The following SYNE2 variants were observed in gnomAD, a reference collection of about 807,000 sequenced individuals.
SYNE2 encodes the protein nesprin-2.
In SYNE2, 431 loss-of-function variants were observed where a neutral mutation model predicts 856.3. The ratio of observed to expected loss-of-function variants is 0.50; its 90% CI spans 0.47 to 0.55. SYNE2 has a LOEUF of 0.55. Among genes scored for constraint, SYNE2 ranks in the 20% least tolerant of loss-of-function variants. The pLI, the probability that SYNE2 is intolerant of heterozygous loss-of-function variation, is 0.00. For synonymous variants in SYNE2, 2,923 were observed against 2,872.3 expected (o/e 1.02, Z -0.56); for missense variants, 8,129 against 8,023.2 (o/e 1.01, Z -0.50).
chr14:64,113,380 T>G lies in SYNE2; in HGVS notation c.12649T>G (p.Ser4217Ala). 6.2e-7 allele frequency: 1 copy of G among 1,614,146 alleles called. No homozygotes were observed. Among genetic ancestry groups the G allele is most frequent in the Non-Finnish European group, 8.5e-7 (1 of 1,180,036 alleles). Residue 4217 changes from serine to alanine, a missense_variant, in exon 66 of 116, where the codon TCT becomes GCT. Physicochemically the swap from Ser to Ala is moderately conservative, Grantham distance 99. Around this residue, in one of 3 missense-constraint regions of SYNE2, gnomAD observed 5,410 missense variants for 5,284.8 expected, o/e 1.02. Coordinates refer to ENST00000555002, the MANE Select transcript of SYNE2 (RefSeq NM_182914.3). ...PPIEADTLDS[S>A]DAQGGLEPRV... is the part of the protein sequence containing the mutation. ...TATTGAGGCTGACACTCTGGACTCT[T>G]CTGACGCGCAAGGAGGTTTGGAGCC...
chr14:63,957,188 C>T (rs2096251304), intron 8 of SYNE2, among the ~76,000 whole-genome samples: 1 of 151,464 alleles, frequency 6.6e-6, no homozygotes, highest in Non-Finnish European at 1.5e-5. Flanking sequence ...ACCTCCACCT[C>T]CTGGGTTAAA....
At chr14:63,843,354 A>G (rs1295610141) in intron 1 of SYNE2, among the ~76,000 whole-genome samples, 1 of 152,140 alleles carries the variant, frequency 6.6e-6, no homozygotes, top group Non-Finnish European at 1.5e-5. Context: ...CTTGTGTGTT[A>G]ATTTTAAATC....
At chr14:64,020,535 G>A (rs754837046) in intron 35 of SYNE2, among the ~76,000 whole-genome samples, 17 of 152,046 alleles carry the variant, frequency 1.1e-4, no homozygotes, top group African/African-American at 3.9e-4. Context: ...CATATTTAGC[G>A]TCAATGATAT....
At chr14:64,043,196 C>G (rs1410565931) in intron 45 of SYNE2, among the ~76,000 whole-genome samples, 2 of 152,086 alleles carry the variant, frequency 1.3e-5, no homozygotes, top group Non-Finnish European at 2.9e-5. Flanking sequence ...GAAGAAATGT[C>G]TAAGCAACAA....
intron 2 of SYNE2, among the ~76,000 whole-genome samples, chr14:63,918,948 C>G (rs1000923727): frequency 6.6e-6 from 1 of 152,190 alleles, no homozygotes; most frequent in East Asian, 1.9e-4. Context: ...TGCTGTATAT[C>G]TCCGTCTGCC....
chr14:64,080,704 A>G, intron 56 of SYNE2, 66 bp downstream of exon 56: 1 of 1,575,682 alleles, frequency 6.3e-7, no homozygotes, highest in Non-Finnish European at 8.7e-7. Flanking sequence ...AAAGCAAAAC[A>G]ATATATTCAG....
At chr14:64,166,922 G>A (rs1400741208) in intron 90 of SYNE2, 1 of 369,204 alleles carries the variant, frequency 2.7e-6, no homozygotes, top group African/African-American at 2.1e-5. Context: ...GACAGAATGA[G>A]ACTCCATTCC....
upstream of SYNE2, among the ~76,000 whole-genome samples, chr14:63,852,362 G>C (rs545447200): frequency 3.9e-5 from 6 of 152,090 alleles, no homozygotes; most frequent in South Asian, 1.0e-3. Flanking sequence ...CAGTTCCAAG[G>C]ATGCAGTTCG....
In SYNE2 at chr14:64,226,297, C is replaced by G. The variant is rs1353256859; in HGVS notation, c.*771C>G. On this transcript the variant is annotated 3_prime_UTR_variant, in exon 116 of 116. Coordinates refer to ENST00000555002, the MANE Select transcript of SYNE2 (RefSeq NM_182914.3). ...TTAATTTTCTAAGACTTTTTCACAT[C>G]CAAAGTGATGCTTTGCTTTGGGTTT... is the stretch of plus-strand genomic sequence containing the variant. 1 of 144,050 alleles carries G rather than the reference C, an allele frequency of 6.9e-6. No individual in the cohort carries two copies. The highest frequency in any genetic ancestry group is 1.5e-5 in the Non-Finnish European group (1 of 67,044). The allele number at this position is 144,050 out of a possible 1,614,324, so 8.9% of individuals were successfully genotyped here.
At position 64,209,503 on chromosome 14, in the gene SYNE2, T is replaced by C. The variant is rs779018650; in HGVS notation, c.18465T>C (p.Ala6155=). 6.2e-7 allele frequency: 1 copy of C among 1,614,230 alleles called. No homozygotes were observed. Among genetic ancestry groups the C allele is most frequent in the Non-Finnish European group, 8.5e-7 (1 of 1,180,040 alleles). The part of the protein sequence containing the change: ...YSRFEDWLKS[A]ERTAACPNSS... ...GCTTTGAGGACTGGCTCAAGTCAGCTGAGAGGACGGCAGCCTGCCCAAATT... is the reference window on the plus strand; with the variant it reads ...GCTTTGAGGACTGGCTCAAGTCAGCCGAGAGGACGGCAGCCTGCCCAAATT... The change falls in exon 102 of 116, where the codon GCT becomes GCC. Residue 6155 remains alanine (A), a synonymous_variant. Coordinates refer to ENST00000555002, the MANE Select transcript of SYNE2 (RefSeq NM_182914.3).
rs1467298746 is a variant in SYNE2 at position 64,141,523 on chromosome 14, G to A, written c.15159G>A (p.Gln5053=). The part of the protein sequence containing the change: ...QLPDIQEKLH[Q]LQMEKLPSRK... Reference sequence around the variant, plus strand: ...CAGATATTCAAGAAAAACTTCACCAGGTAAGTCTTTAGAGCCTCAGCATTT... The same window carrying A: ...CAGATATTCAAGAAAAACTTCACCAAGTAAGTCTTTAGAGCCTCAGCATTT... The change falls in exon 81 of 116, where the codon CAG becomes CAA. Residue 5053 remains glutamine, a splice_region_variant and synonymous_variant. Coordinates refer to ENST00000555002, the MANE Select transcript of SYNE2 (RefSeq NM_182914.3). 11 of 1,613,762 alleles carry A rather than the reference G, an allele frequency of 6.8e-6. No homozygotes were observed. The highest frequency in any genetic ancestry group is 9.3e-6 in the Non-Finnish European group (11 of 1,179,876).
chr14:64,145,927 C>T (rs1009065332), intron 83 of SYNE2, 141 bp from the exon 84 acceptor site: 1 of 542,836 alleles, frequency 1.8e-6, no homozygotes. Context: ...AATCTTTATT[C>T]AAAAGTTATC....
intron 100 of SYNE2, among the ~76,000 whole-genome samples, chr14:64,203,913 C>T (rs749550497): frequency 6.6e-6 from 1 of 152,162 alleles, no homozygotes; most frequent in African/African-American, 2.4e-5. Flanking sequence ...GATGGAGTCT[C>T]ACTATATTGC....
chr14:64,021,745 C>A, intron 36 of SYNE2, 112 bp from the exon 37 acceptor site: 1 of 1,176,634 alleles, frequency 8.5e-7, no homozygotes, highest in Non-Finnish European at 1.2e-6. Flanking sequence ...GAAAGTGAAT[C>A]CACTCAACAG....
intron 23 of SYNE2, among the ~76,000 whole-genome samples, chr14:63,995,743 A>G (rs1033145657): frequency 8.0e-5 from 12 of 150,056 alleles, no homozygotes; most frequent in Admixed American, 7.9e-4. Context: ...CTATCTATCT[A>G]TCTATCTATC....
intron 6 of SYNE2, among the ~76,000 whole-genome samples, chr14:63,945,678 AG>A (rs919453042): frequency 2.0e-5 from 3 of 151,984 alleles, no homozygotes; most frequent in African/African-American, 7.3e-5. Context: ...GCTGGAGTGC[AG>A]TGGGGCACGA....
intron 94 of SYNE2, among the ~76,000 whole-genome samples, chr14:64,172,219 A>G (rs961150978): frequency 1.3e-5 from 2 of 152,170 alleles, no homozygotes; most frequent in African/African-American, 2.4e-5. Flanking sequence ...TAGGAATCCT[A>G]ACATCTCACT....
At chr14:63,870,488 CT>C (rs1162057004) in intron 1 of SYNE2, among the ~76,000 whole-genome samples, 1 of 129,768 alleles carries the variant, frequency 7.7e-6, no homozygotes, top group Admixed American at 8.5e-5. Context: ...TGACTGTCCC[CT>C]AAACACCTGA....
In SYNE2 at chr14:63,995,042, A is replaced by C; in HGVS notation, c.2782-2A>C. ...AATATATTCCTTTGATTTTTTTTGT[A>C]GTCTCTTCATCATGAACTGTCTTTA... is the stretch of plus-strand genomic sequence containing the variant. On this transcript the variant is annotated splice_acceptor_variant, in intron 22 of 115. Coordinates refer to ENST00000555002, the MANE Select transcript of SYNE2 (RefSeq NM_182914.3). LOFTEE classifies it high-confidence loss of function. 6.6e-7 allele frequency: 1 copy of C among 1,511,980 alleles called. No individual in the cohort carries two copies. Among genetic ancestry groups the C allele is most frequent in the Non-Finnish European group, 9.1e-7 (1 of 1,102,844 alleles). 93.7% of individuals were successfully genotyped at this position (1,511,980 alleles called of 1,614,324 possible). A position where few individuals can be genotyped will look rare whatever the true frequency, so the allele number is the denominator to read the frequency against.
Sources: gnomAD v4.1 joint callset for allele counts (sites outside exome capture counted in the v4.1 genomes callset) on GRCh38, gnomAD v4.1.1 for gene constraint, gnomAD v4.1.1 regional missense constraint, MANE v1.5 for transcripts, NCBI Gene and HGNC (gene_info 2026-07-23, HGNC 2026-07-21) for gene names.